The following RASAL3 variants were observed in gnomAD, a reference collection of about 807,000 sequenced individuals.
RASAL3 encodes RAS protein activator like-3.
RASAL3 carries 74 observed loss-of-function variants against 105.5 expected under a neutral mutation model. The observed-to-expected ratio is 0.70, with a 90% CI of 0.58 to 0.85. RASAL3 has a LOEUF of 0.85. Among genes scored for constraint, RASAL3 ranks in the 40% least tolerant of loss-of-function variants. The pLI is 0.00. For synonymous variants in RASAL3, 579 were observed against 591.6 expected (o/e 0.98, Z 0.31); for missense variants, 1,352 against 1,392.0 (o/e 0.97, Z 0.46).
rs1970242258 is a variant in RASAL3, at chr19:15,454,134, C to A, written c.2279+15G>T. The A allele has an allele frequency of 6.5e-7, 1 of 1,542,102 alleles. No individual in the cohort carries two copies. Among genetic ancestry groups the A allele is most frequent in the Non-Finnish European group, 8.8e-7 (1 of 1,139,058 alleles). On this transcript the variant is annotated intron_variant, in intron 14 of 17. Transcript: ENST00000343625. ...TGTTCCCACCCATCAGACCCCAGAC[C>A]AGACTTGAGGTTACCTGGAGTGGAC...
Position 15,451,725 on chromosome 19 carries a change from G to T in RASAL3, c.*70C>A. On this transcript the variant is annotated 3_prime_UTR_variant, in exon 18 of 18. Coordinates refer to ENST00000343625, the MANE Select transcript of RASAL3 (RefSeq NM_022904.3). ...GTAGGCCAAGTAGGGCTAAGGCAAA[G>T]TCAGACACCCCCCCTAAGATGGCTA... is the stretch of plus-strand genomic sequence containing the variant. The T allele has an allele frequency of 6.6e-7, 1 of 1,524,832 alleles. No homozygotes were observed. The highest frequency in any genetic ancestry group is 8.9e-7 in the Non-Finnish European group (1 of 1,126,660). 94.5% of individuals were successfully genotyped at this position (1,524,832 alleles called of 1,614,324 possible).
intron 2 of RASAL3, 43 bp downstream of exon 2, chr19:15,463,988 G>C (rs752499002): frequency 6.7e-7 from 1 of 1,495,356 alleles, no homozygotes; most frequent in South Asian, 1.4e-5. Flanking sequence ...CAAGCATCCG[G>C]CTTCCCAGCC....
rs1970230246 is a variant in RASAL3 at position 15,453,638 on chromosome 19, C to G, written c.2280-141G>C. The G allele has an allele frequency of 1.2e-6, 1 of 824,936 alleles. No homozygotes were observed. The highest frequency in any genetic ancestry group is 1.8e-5 in the African/African-American group (1 of 54,708). 51.1% of individuals were successfully genotyped at this position (824,936 alleles called of 1,614,324 possible). On this transcript the variant is annotated intron_variant, in intron 14 of 17. Coordinates refer to ENST00000343625, the MANE Select transcript of RASAL3 (RefSeq NM_022904.3). This position sits in a 1 kb window ranked among gnomAD's most constrained non-coding sequence, Gnocchi z 4.2. The stretch of plus-strand genomic sequence containing the variant: ...TGAGACAAGGTCTTGCTCTGTCGCC[C>G]AGGCTGGAGTGCAGTGGCTAGATCA...
At position 15,453,222 on chromosome 19, in the gene RASAL3, G is replaced by C. The variant is rs750413610; in HGVS notation, c.2555C>G (p.Pro852Arg). 5 of 1,603,762 alleles carry C rather than the reference G, an allele frequency of 3.1e-6. No individual in the cohort carries two copies. In the South Asian group the frequency reaches 5.6e-5, roughly 18 times the overall value. ...CAGCGAGGCGGAGTCCCGGGTCCAA[G>C]GCCGGGCGCGGGGCGCTGGTCCCAT... ...LSMGPAPRAR[P>R]WTRDSASLPR... The change falls in exon 15 of 18, where the codon CCT (proline) becomes CGT (arginine). Residue 852 changes from proline (P) to arginine (R), a missense_variant. By Grantham distance (103) the Pro-to-Arg change is moderately radical. Coordinates refer to ENST00000343625, the MANE Select transcript of RASAL3 (RefSeq NM_022904.3). The surrounding 1 kb of genome is among the most constrained non-coding windows in gnomAD (Gnocchi z 4.2).
chr19:15,461,130 C>G lies in RASAL3; in HGVS notation c.545-9G>C. 1 of 1,613,828 alleles carries G rather than the reference C, an allele frequency of 6.2e-7. No homozygotes were observed. Among genetic ancestry groups the G allele is most frequent in the South Asian group, 1.1e-5 (1 of 91,054 alleles). On this transcript the variant is annotated splice_polypyrimidine_tract_variant and intron_variant, in intron 4 of 17. Transcript: ENST00000343625. Reference sequence around the variant, plus strand: ...TTTTCCAGGCATCCGATCTGTGGGTCGTTATGGGTGGCAGGTTGGGGGGTT... The same window carrying G: ...TTTTCCAGGCATCCGATCTGTGGGTGGTTATGGGTGGCAGGTTGGGGGGTT...
In RASAL3 at chr19:15,452,086, G is replaced by C; in HGVS notation, c.2851C>G (p.His951Asp). ...TGCCCTTCATTGCTTGTTAGGTTGT[G>C]CTCTGAATCAAACTCTGAGCTCCTG... ...RAGSSEFDSE[H>D]NLTSNEGHSL... is the part of the protein sequence containing the mutation. The change falls in exon 17 of 18, where the codon CAC (histidine) becomes GAC (aspartate). Residue 951 changes from histidine (H) to aspartate (D), a missense_variant. His to Asp is a moderately conservative substitution (Grantham distance 81). Coordinates refer to ENST00000343625, the MANE Select transcript of RASAL3 (RefSeq NM_022904.3). The C allele has an allele frequency of 1.9e-6, 3 of 1,613,936 alleles. No individual in the cohort carries two copies. Among genetic ancestry groups the C allele is most frequent in the Non-Finnish European group, 2.5e-6 (3 of 1,179,868 alleles).
Position 15,452,758 on chromosome 19 carries a change from G to C in RASAL3, c.2728C>G (p.Arg910Gly), listed in dbSNP as rs777648218. 9 of 1,562,566 alleles carry C rather than the reference G, an allele frequency of 5.8e-6. No individual in the cohort carries two copies. In the South Asian group the frequency reaches 8.2e-5, roughly 14 times the overall value. Residue 910 changes from arginine to glycine, a missense_variant, in exon 16 of 18, where the codon CGC becomes GGC. Arg to Gly is a moderately radical substitution (Grantham distance 125, BLOSUM62 -2). This residue lies in a region of RASAL3 where 920 missense variants were observed against 919.6 expected (regional missense o/e 1.00). Transcript: ENST00000343625. ...TGGGTGCTCAGCGACTCCACGAGGC[G>C]GGACAGCACTTTCTGCTCCTCACGC... ...ALREEQKVLS[R>G]LVESLSTQIR...
In RASAL3 at chr19:15,464,072, G is replaced by A; in HGVS notation, c.287C>T (p.Pro96Leu). The part of the protein sequence containing the change: ...SKALWGRHKN[P>L]PPEPDPEPEQ... ...CGGCTCCGGGTCTGGCTCCGGCGGTGGGTTCTTATGCCTCCCCCAGAGGGC... is the reference window on the plus strand; with the variant it reads ...CGGCTCCGGGTCTGGCTCCGGCGGTAGGTTCTTATGCCTCCCCCAGAGGGC... Residue 96 changes from proline (P) to leucine (L), a missense_variant, in exon 2 of 18, where the codon CCA becomes CTA. Physicochemically the swap from Pro to Leu is moderately conservative, Grantham distance 98 (BLOSUM62 -3). Transcript: ENST00000343625. The A allele has an allele frequency of 6.3e-7, 1 of 1,589,892 alleles. No individual in the cohort carries two copies. The highest frequency in any genetic ancestry group is 8.6e-7 in the Non-Finnish European group (1 of 1,164,916).
At position 15,457,247 on chromosome 19, in the gene RASAL3, G is replaced by A; in HGVS notation, c.1431+45C>T. 8.1e-7 allele frequency: 1 copy of A among 1,236,920 alleles called. No individual in the cohort carries two copies. The highest frequency in any genetic ancestry group is 1.0e-6 in the Non-Finnish European group (1 of 987,106). The allele number at this position is 1,236,920 out of a possible 1,614,324, so 76.6% of individuals were successfully genotyped here. A position where few individuals can be genotyped will look rare whatever the true frequency, so the allele number is the denominator to read the frequency against. On this transcript the variant is annotated intron_variant, in intron 9 of 17. Transcript: ENST00000343625. The surrounding 1 kb of genome is among the most constrained non-coding windows in gnomAD (Gnocchi z 8.6). ...CAACTCCTGCCCGAAGCGCGTTATCGGTCTACCCCTGGTAGCCCCGGTCCG... is the reference window on the plus strand; with the variant it reads ...CAACTCCTGCCCGAAGCGCGTTATCAGTCTACCCCTGGTAGCCCCGGTCCG...
At position 15,453,345 on chromosome 19, in the gene RASAL3, G is replaced by T. The variant is rs1174258901; in HGVS notation, c.2432C>A (p.Pro811His). 2.8e-6 allele frequency: 4 copies of T among 1,427,722 alleles called. No individual in the cohort carries two copies. The South Asian group carries it at 5.9e-5, about 21-fold the overall frequency. The allele number at this position is 1,427,722 out of a possible 1,614,324, so 88.4% of individuals were successfully genotyped here. The change falls in exon 15 of 18, where the codon CCC becomes CAC. Residue 811 changes from proline (P) to histidine (H), a missense_variant. This residue lies in a region of RASAL3 where 920 missense variants were observed against 919.6 expected (regional missense o/e 1.00). Transcript: ENST00000343625. The surrounding 1 kb of genome is among the most constrained non-coding windows in gnomAD (Gnocchi z 4.2). ...RPDEERPLRR[P>H]RPVQRTQSVP... ...ACTCTGCGTGCGCTGCACCGGCCGG[G>T]GCCGCCGCAGGGGCCGCTCTTCGTC...
intron 16 of RASAL3, 24 bp from the exon 17 acceptor site, chr19:15,452,132 C>A (rs1207728532): frequency 6.2e-7 from 1 of 1,613,220 alleles, no homozygotes; most frequent in Non-Finnish European, 8.5e-7. Context: ...GGGATTGGGG[C>A]GAAGGGCAGA....
rs1413132324 is a variant in RASAL3 at position 15,457,639 on chromosome 19, G to C, written c.1084C>G (p.Pro362Ala). The C allele has an allele frequency of 4.2e-6, 6 of 1,416,066 alleles. No individual in the cohort carries two copies. Among genetic ancestry groups the C allele is most frequent in the Middle Eastern group, 2.6e-4 (1 of 3,862 alleles). The allele number at this position is 1,416,066 out of a possible 1,614,324, so 87.7% of individuals were successfully genotyped here. A position where few individuals can be genotyped will look rare whatever the true frequency, so the allele number is the denominator to read the frequency against. Reference protein sequence around the residue: ...AERFHFEALPPARRLSLRLRG... With the variant: ...AERFHFEALPAARRLSLRLRG... ...AGCCGCAGCGACAGGCGACGTGCCG[G>C]TGGCAGCGCCTCGAAGTGGAAGCGC... Residue 362 changes from proline (P) to alanine (A), a missense_variant, in exon 9 of 18, where the codon CCG becomes GCG. By Grantham distance (27) the Pro-to-Ala change is conservative. Coordinates refer to ENST00000343625, the MANE Select transcript of RASAL3 (RefSeq NM_022904.3). This position sits in a 1 kb window ranked among gnomAD's most constrained non-coding sequence, Gnocchi z 8.6.
At chr19:15,461,017 C>A in intron 5 of RASAL3, 43 bp downstream of exon 5, 1 of 1,596,940 alleles carries the variant, frequency 6.3e-7, no homozygotes, top group Non-Finnish European at 8.6e-7. Context: ...GTCCGAGAGT[C>A]TTGGCTCTCC....
rs200316974 is a variant in RASAL3, at chr19:15,464,243, C to A, written c.116G>T (p.Arg39Leu). The stretch of plus-strand genomic sequence containing the variant: ...GCCCCAGCCAGCAAAGCGGCCCCAG[C>A]GGAACCCTCCAGCCGCCTTCTCCCC... Reference protein sequence around the residue: ...GGGEKAAGGFRWGRFAGWGRA... With the variant: ...GGGEKAAGGFLWGRFAGWGRA... Residue 39 changes from arginine (R) to leucine (L), a missense_variant, in exon 2 of 18, where the codon CGC becomes CTC. Arg to Leu is a moderately radical substitution (Grantham distance 102). Around this residue, in one of 3 missense-constraint regions of RASAL3, gnomAD observed 344 missense variants for 339.6 expected, o/e 1.01. Coordinates refer to ENST00000343625, the MANE Select transcript of RASAL3 (RefSeq NM_022904.3). 6.2e-7 allele frequency: 1 copy of A among 1,608,964 alleles called. No homozygotes were observed. Among genetic ancestry groups the A allele is most frequent in the Non-Finnish European group, 8.5e-7 (1 of 1,178,238 alleles).
Position 15,457,222 on chromosome 19 carries a change from C to A in RASAL3, c.1431+70G>T. ...CAGGTGCAACTCAGGTCCTGCGCCC[C>A]AACTCCTGCCCGAAGCGCGTTATCG... is the stretch of plus-strand genomic sequence containing the variant. On this transcript the variant is annotated intron_variant, in intron 9 of 17. Coordinates refer to ENST00000343625, the MANE Select transcript of RASAL3 (RefSeq NM_022904.3). This position sits in a 1 kb window ranked among gnomAD's most constrained non-coding sequence, Gnocchi z 8.6. 8.3e-7 allele frequency: 1 copy of A among 1,199,956 alleles called. No homozygotes were observed. The highest frequency in any genetic ancestry group is 1.0e-6 in the Non-Finnish European group (1 of 954,558). The allele number at this position is 1,199,956 out of a possible 1,614,324, so 74.3% of individuals were successfully genotyped here. A position where few individuals can be genotyped will look rare whatever the true frequency, so the allele number is the denominator to read the frequency against.
chr19:15,457,377 GC>G lies in RASAL3; in HGVS notation c.1345del (p.Ala449ProfsTer32). The G allele has an allele frequency of 6.9e-7, 1 of 1,440,770 alleles. No individual in the cohort carries two copies. Among genetic ancestry groups the G allele is most frequent in the Non-Finnish European group, 9.1e-7 (1 of 1,103,136 alleles). The allele number at this position is 1,440,770 out of a possible 1,614,324, so 89.2% of individuals were successfully genotyped here. ...CTGCGCAGGCAGCGCGGGCTCCAGG[GC>G]CCCGCAGAGGCGCGCATAGTGGAAG... ...LTFHYARLCG[A>X]LEPALPAQAK... On this transcript the variant is annotated frameshift_variant, in exon 9 of 18. Transcript: ENST00000343625. LOFTEE classifies it high-confidence loss of function. The surrounding 1 kb of genome is among the most constrained non-coding windows in gnomAD (Gnocchi z 8.6).
chr19:15,457,565 C>T lies in RASAL3; in HGVS notation c.1158G>A (p.Ala386=), dbSNP rs1283926301. 23 of 1,184,648 alleles carry T rather than the reference C, an allele frequency of 1.9e-5. No individual in the cohort carries two copies. Among genetic ancestry groups the T allele is most frequent in the Non-Finnish European group, 2.2e-5 (21 of 951,950 alleles). 73.4% of individuals were successfully genotyped at this position (1,184,648 alleles called of 1,614,324 possible). A position where few individuals can be genotyped will look rare whatever the true frequency, so the allele number is the denominator to read the frequency against. Residue 386 remains alanine (A), a synonymous_variant, in exon 9 of 18, where the codon GCG becomes GCA. Coordinates refer to ENST00000343625, the MANE Select transcript of RASAL3 (RefSeq NM_022904.3). This position sits in a 1 kb window ranked among gnomAD's most constrained non-coding sequence, Gnocchi z 8.6. ...GSAVLGRVAL[A]LEELDAPRAP... ...CGCGTGGGGCGTCCAGCTCCTCCAG[C>T]GCCAGGGCCACGCGGCCCAGCACCG...
At chr19:15,458,758 A>G in intron 6 of RASAL3, 103 bp from the exon 7 acceptor site, 2 of 1,438,978 alleles carry the variant, frequency 1.4e-6, no homozygotes. Flanking sequence ...CCCAATTCGG[A>G]TCCCGTTTCT....
At chr19:15,462,251 C>G (rs1404424176) in intron 2 of RASAL3, among the ~76,000 whole-genome samples, 1 of 152,056 alleles carries the variant, frequency 6.6e-6, no homozygotes, top group Non-Finnish European at 1.5e-5. Context: ...CTTTGGGAGG[C>G]CTAGGCGGGT....
Sources: allele counts gnomAD v4.1 joint callset (sites outside exome capture counted in the v4.1 genomes callset), GRCh38; gene constraint gnomAD v4.1.1; regional missense constraint gnomAD v4.1.1; non-coding constraint Gnocchi (gnomAD v3.1); transcripts MANE v1.5; gene names NCBI Gene and HGNC (gene_info 2026-07-23, HGNC 2026-07-21).